Variants in STX7 observed in about 807,000 individuals in gnomAD.
STX7 encodes syntaxin 7.
In STX7, 34 loss-of-function variants were observed where a neutral mutation model predicts 39.6. The observed-to-expected ratio is 0.86, with a 90% CI of 0.65 to 1.14. STX7 has a LOEUF of 1.14. Among genes scored for constraint, STX7 ranks in the 50% most tolerant of loss-of-function variants. The probability of loss-of-function intolerance (pLI) is 0.00; values close to 1 mark genes in which losing one functional copy is unlikely to be tolerated. For missense variants in STX7, 284 were observed against 310.4 expected (o/e 0.92, Z 0.64); for synonymous variants, 119 against 99.1 (o/e 1.20, Z -1.19).
chr6:132,447,943 A>G lies in STX7; in HGVS notation c.*12815T>C, dbSNP rs1774053697. On this transcript the variant is annotated 3_prime_UTR_variant, in exon 10 of 10. Transcript: ENST00000367941. ...CCTTCTTGCATTTTTGTGGTCTATCAAAGTTGGGATTTCTAAAGTGTTTTT... is the reference window on the plus strand; with the variant it reads ...CCTTCTTGCATTTTTGTGGTCTATCGAAGTTGGGATTTCTAAAGTGTTTTT... The G allele has an allele frequency of 1.3e-5, 2 of 151,982 alleles. No homozygotes were observed. The highest frequency in any genetic ancestry group is 1.3e-4 in the Admixed American group (2 of 15,264). The allele number at this position is 151,982 out of a possible 1,614,324, so 9.4% of individuals were successfully genotyped here. A position where few individuals can be genotyped will look rare whatever the true frequency, so the allele number is the denominator to read the frequency against.
chr6:132,478,509 C>T (rs1774932478), intron 2 of STX7, among the ~76,000 whole-genome samples: 1 of 152,100 alleles, frequency 6.6e-6, no homozygotes, highest in African/African-American at 2.4e-5. Context: ...TGGGGACCCA[C>T]TCTAATAAAA....
rs553185862 is a variant in STX7, at chr6:132,504,043, C to T, written c.-58-455G>A. 3.3e-4 allele frequency among the ~76,000 whole-genome samples: 50 copies of T among 152,264 alleles called. 1 individual carries two copies. The highest frequency in any genetic ancestry group is 1.1e-3 in the African/African-American group (44 of 41,554). The stretch of plus-strand genomic sequence containing the variant: ...AAATGGAACACAGACTTCAGGCTAT[C>T]CCCAGAAATTTCACTGTATTAGGTT... On this transcript the variant is annotated intron_variant, in intron 1 of 9. Coordinates refer to ENST00000367941, the MANE Select transcript of STX7 (RefSeq NM_003569.3).
intron 2 of STX7, among the ~76,000 whole-genome samples, chr6:132,493,339 A>G (rs1366851433): frequency 6.6e-6 from 1 of 152,212 alleles, no homozygotes; most frequent in East Asian, 1.9e-4. Context: ...ACTGTTTGAT[A>G]TGGTTTGGCT....
intron 2 of STX7, among the ~76,000 whole-genome samples, chr6:132,500,088 C>A (rs1002685531): frequency 3.9e-5 from 6 of 152,202 alleles, no homozygotes; most frequent in African/African-American, 1.4e-4. Context: ...CACCCTGGTG[C>A]AAGCCAGCAT....
At position 132,486,664 on chromosome 6, in the gene STX7, G is replaced by GTTTT. The variant is rs386408642; in HGVS notation, c.86-11006_86-11003dup. 1.2e-4 allele frequency among the ~76,000 whole-genome samples: 15 copies of GTTTT among 125,120 alleles called. 1 individual carries two copies. Among genetic ancestry groups the GTTTT allele is most frequent in the East Asian group, 4.8e-4 (2 of 4,174 alleles). 82.1% of individuals were successfully genotyped at this position (125,120 alleles called of 152,430 possible). A position where few individuals can be genotyped will look rare whatever the true frequency, so the allele number is the denominator to read the frequency against. The stretch of plus-strand genomic sequence containing the variant: ...ATGGATGTGTAGTGTTTTTTTCTGG[G>GTTTT]TTTTTTTTTTTTTTTTTTGAGACAG... On this transcript the variant is annotated intron_variant, in intron 2 of 9. Transcript: ENST00000367941.
At chr6:132,504,686 T>C (rs1336886407) in intron 1 of STX7, among the ~76,000 whole-genome samples, 2 of 152,098 alleles carry the variant, frequency 1.3e-5, no homozygotes, top group Non-Finnish European at 2.9e-5. Context: ...CAAATCAAGT[T>C]TGTCATTTAG....
chr6:132,489,993 G>A (rs1327349939), intron 2 of STX7, among the ~76,000 whole-genome samples: 1 of 152,176 alleles, frequency 6.6e-6, no homozygotes, highest in Non-Finnish European at 1.5e-5. Context: ...TAGATGGCTG[G>A]AACATTACAA....
chr6:132,470,599 CT>C lies in STX7; in HGVS notation c.414del (p.Glu139LysfsTer56). 1 of 1,607,648 alleles carries C rather than the reference CT, an allele frequency of 6.2e-7. No individual in the cohort carries two copies. The highest frequency in any genetic ancestry group is 1.1e-5 in the South Asian group (1 of 90,362). ...VSGSFPEDSS[K>X]ERNLVSWESQ... is the part of the protein sequence containing the mutation. ...CTTTCCCAGGATACAAGATTCCTTT[CT>C]TTTGAGCTGTCCTCAGGAAAACTGC... On this transcript the variant is annotated frameshift_variant, in exon 6 of 10. Coordinates refer to ENST00000367941, the MANE Select transcript of STX7 (RefSeq NM_003569.3). LOFTEE classifies it high-confidence loss of function.
At chr6:132,492,809 T>C (rs1419924325) in intron 2 of STX7, among the ~76,000 whole-genome samples, 3 of 152,102 alleles carry the variant, frequency 2.0e-5, no homozygotes, top group Non-Finnish European at 2.9e-5. Context: ...TTAAAAATAG[T>C]TTTAAAATAC....
chr6:132,463,456 C>T (rs550657934), intron 9 of STX7, among the ~76,000 whole-genome samples: 2 of 152,110 alleles, frequency 1.3e-5, no homozygotes, highest in Admixed American at 6.5e-5. Context: ...TATATTAACC[C>T]GACTCAAGAA....
At chr6:132,479,767 T>C (rs1774970452) in intron 2 of STX7, among the ~76,000 whole-genome samples, 1 of 152,172 alleles carries the variant, frequency 6.6e-6, no homozygotes, top group Non-Finnish European at 1.5e-5. Flanking sequence ...TATTAAATCA[T>C]TTTTGTTTGA....
intron 4 of STX7, 42 bp downstream of exon 4, chr6:132,472,240 T>C (rs1435367970): frequency 2.0e-6 from 3 of 1,522,718 alleles, no homozygotes; most frequent in Non-Finnish European, 2.7e-6. Context: ...CTGGGTTTTT[T>C]TCACATTCAA....
Position 132,513,086 on chromosome 6 carries a change from T to C in STX7, c.-138A>G, listed in dbSNP as rs1377012954. 6.6e-6 allele frequency: 1 copy of C among 152,360 alleles called. No homozygotes were observed. Among genetic ancestry groups the C allele is most frequent in the African/African-American group, 2.4e-5 (1 of 41,464 alleles). The allele number at this position is 152,360 out of a possible 1,614,324, so 9.4% of individuals were successfully genotyped here. On this transcript the variant is annotated 5_prime_UTR_variant, in exon 1 of 10. Transcript: ENST00000367941. ...GGAGCCCTCAGCTGCAATTCTCAGC[T>C]GATGGGCGGTGGCGTGGGGACGCCC...
Position 132,451,101 on chromosome 6 carries a change from C to CT in STX7, c.*9656dup, listed in dbSNP as rs1263684793. The CT allele has an allele frequency of 0.058, 8,290 of 142,200 alleles. 767 individuals carry two copies. The highest frequency in any genetic ancestry group is 0.2 in the African/African-American group (7,578 of 38,576). The allele number at this position is 142,200 out of a possible 1,614,324, so 8.8% of individuals were successfully genotyped here. A position where few individuals can be genotyped will look rare whatever the true frequency, so the allele number is the denominator to read the frequency against. On this transcript the variant is annotated 3_prime_UTR_variant, in exon 10 of 10. Coordinates refer to ENST00000367941, the MANE Select transcript of STX7 (RefSeq NM_003569.3). ...ATGGGGAACCATGAAATTTTCTTTCCTTTTTTTTTTTTTTGACAAGGAGTC... is the reference window on the plus strand; with the variant it reads ...ATGGGGAACCATGAAATTTTCTTTCCTTTTTTTTTTTTTTTGACAAGGAGTC...
chr6:132,485,180 A>G lies in STX7; in HGVS notation c.86-9518T>C, dbSNP rs1460423097. Among the ~76,000 whole-genome samples, 4 of 152,152 alleles carry G rather than the reference A, an allele frequency of 2.6e-5. No homozygotes were observed. In the South Asian group the frequency reaches 6.2e-4, roughly 24 times the overall value. On this transcript the variant is annotated intron_variant, in intron 2 of 9. Coordinates refer to ENST00000367941, the MANE Select transcript of STX7 (RefSeq NM_003569.3). ...TAGTTTGCAATTTCCTCCCTCCTGC[A>G]TATCTGTTCCTTCCCCCCTCCATCA...
At chr6:132,480,176 GA>G (rs904203554) in intron 2 of STX7, among the ~76,000 whole-genome samples, 7 of 152,016 alleles carry the variant, frequency 4.6e-5, no homozygotes, top group East Asian at 1.9e-4. Context: ...AAATTACAGA[GA>G]AAAAAAATTA....
intron 2 of STX7, among the ~76,000 whole-genome samples, chr6:132,484,712 C>T (rs79016317): frequency 0.023 from 3,552 of 152,182 alleles, 125 homozygotes; most frequent in African/African-American, 0.08. Context: ...CCAACACAGA[C>T]TCAGCCACAT....
chr6:132,500,056 T>C (rs1775517723), intron 2 of STX7, among the ~76,000 whole-genome samples: 1 of 152,150 alleles, frequency 6.6e-6, no homozygotes, highest in Admixed American at 6.5e-5. Flanking sequence ...CACTCATTGC[T>C]TCTCTCCATC....
intron 2 of STX7, among the ~76,000 whole-genome samples, chr6:132,490,634 C>A (rs567139607): frequency 1.3e-5 from 2 of 151,994 alleles, no homozygotes; most frequent in African/African-American, 2.4e-5. Context: ...ATGGGTGGGG[C>A]GGAGAATAAC....
Sources: allele counts gnomAD v4.1 joint callset (sites outside exome capture counted in the v4.1 genomes callset), GRCh38; gene constraint gnomAD v4.1.1; transcripts MANE v1.5; gene names NCBI Gene and HGNC (gene_info 2026-07-23, HGNC 2026-07-21).